The following EXOC4 variants were observed in gnomAD, a reference collection of about 807,000 sequenced individuals.
EXOC4 encodes the protein exocyst complex component 4.
In EXOC4, 71 loss-of-function variants were observed where a neutral mutation model predicts 107.2. The ratio of observed to expected loss-of-function variants is 0.66; its 90% CI spans 0.55 to 0.81. EXOC4 has a LOEUF of 0.81. Among genes scored for constraint, EXOC4 ranks in the 30% least tolerant of loss-of-function variants. The pLI is 0.00. For missense variants in EXOC4, 1,108 were observed against 1,189.6 expected, an observed-to-expected ratio of 0.93 and a Z score of 1.01; for synonymous variants, 456 against 441.2, an observed-to-expected ratio of 1.03 and a Z score of -0.42.
chr7:133,531,332 T>C (rs1429733239), intron 9 of EXOC4, among the ~76,000 whole-genome samples: 2 of 152,148 alleles, frequency 1.3e-5, no homozygotes, highest in Admixed American at 6.6e-5. Context: ...CAACCATCCA[T>C]GTTGGAGAGT....
At chr7:133,883,429 G>A (rs1799008984) in intron 11 of EXOC4, among the ~76,000 whole-genome samples, 1 of 149,216 alleles carries the variant, frequency 6.7e-6, no homozygotes, top group African/African-American at 2.5e-5. Flanking sequence ...ATCATTTGAG[G>A]CCAGGAGTTT....
intron 5 of EXOC4, among the ~76,000 whole-genome samples, chr7:133,349,354 A>G (rs918276875): frequency 6.6e-6 from 1 of 152,032 alleles, no homozygotes; most frequent in Non-Finnish European, 1.5e-5. Context: ...CCACCATTCT[A>G]CTTTCTGTTT....
intron 17 of EXOC4, among the ~76,000 whole-genome samples, chr7:134,029,246 T>C (rs1795213195): frequency 6.6e-6 from 1 of 152,162 alleles, no homozygotes; most frequent in African/African-American, 2.4e-5. Context: ...CTTTTATAAC[T>C]TTTGCCACCA....
chr7:133,722,499 C>G (rs576465889), intron 10 of EXOC4, among the ~76,000 whole-genome samples: 1 of 152,224 alleles, frequency 6.6e-6, no homozygotes, highest in Non-Finnish European at 1.5e-5. Context: ...TATTGTTAAA[C>G]CCTGCCTTTG....
intron 5 of EXOC4, among the ~76,000 whole-genome samples, chr7:133,339,129 T>A (rs1297369853): frequency 6.6e-6 from 1 of 152,218 alleles, no homozygotes; most frequent in East Asian, 1.9e-4. Context: ...TGTTTGGTTT[T>A]CCATTCTTGT....
rs200499348 is a variant in EXOC4, at chr7:133,650,937, G to GTTTTTTTTTTTTTTT, written c.1514+20807_1514+20821dup. 4.8e-4 allele frequency among the ~76,000 whole-genome samples: 43 copies of GTTTTTTTTTTTTTTT among 88,702 alleles called. 2 individuals carry two copies. The highest frequency in any genetic ancestry group is 0.012 in the Middle Eastern group (1 of 86). 58.2% of individuals were successfully genotyped at this position (88,702 alleles called of 152,430 possible). A position where few individuals can be genotyped will look rare whatever the true frequency, so the allele number is the denominator to read the frequency against. On this transcript the variant is annotated intron_variant, in intron 10 of 17. Coordinates refer to ENST00000253861, the MANE Select transcript of EXOC4 (RefSeq NM_021807.4). The stretch of plus-strand genomic sequence containing the variant: ...TCTTAGTACATACTGAGATTGGTCA[G>GTTTTTTTTTTTTTTT]TTTTTTTTTTTTTTTTTTTTTTTTT...
intron 5 of EXOC4, among the ~76,000 whole-genome samples, chr7:133,345,569 C>T (rs773427149): frequency 1.7e-4 from 26 of 152,046 alleles, no homozygotes; most frequent in Admixed American, 1.0e-3. Flanking sequence ...TTCCTGTAAA[C>T]GAGATCATGT....
intron 10 of EXOC4, among the ~76,000 whole-genome samples, chr7:133,707,872 A>G (rs1435886672): frequency 1.3e-5 from 2 of 152,148 alleles, no homozygotes; most frequent in Non-Finnish European, 2.9e-5. Flanking sequence ...GATTATGGGC[A>G]TGAGTCACTG....
At chr7:133,352,167 T>A (rs1222018466) in intron 5 of EXOC4, among the ~76,000 whole-genome samples, 1 of 151,814 alleles carries the variant, frequency 6.6e-6, no homozygotes, top group African/African-American at 2.4e-5. Context: ...TGGGGTAGAG[T>A]GTTCTGTATG....
chr7:133,677,364 CT>C (rs1243789217), intron 10 of EXOC4, among the ~76,000 whole-genome samples: 1 of 152,092 alleles, frequency 6.6e-6, no homozygotes, highest in Non-Finnish European at 1.5e-5. Context: ...ATGATTTCAT[CT>C]TTAGACACTT....
At chr7:133,964,445 A>G (rs1484448996) in intron 14 of EXOC4, among the ~76,000 whole-genome samples, 1 of 151,986 alleles carries the variant, frequency 6.6e-6, no homozygotes, top group African/African-American at 2.4e-5. Context: ...GGTCATCTAC[A>G]TTAGGTATTT....
chr7:133,302,453 A>AT (rs1794661293), intron 3 of EXOC4, among the ~76,000 whole-genome samples: 1 of 152,194 alleles, frequency 6.6e-6, no homozygotes, highest in African/African-American at 2.4e-5. Context: ...ATCTGTCTAT[A>AT]TATATGAAGA....
chr7:133,373,142 A>G (rs529762359), intron 6 of EXOC4, among the ~76,000 whole-genome samples: 2 of 152,320 alleles, frequency 1.3e-5, no homozygotes, highest in Admixed American at 6.5e-5. Flanking sequence ...ATGATGCCAG[A>G]TACCAGTTTT....
At chr7:133,693,673 T>A (rs1156773262) in intron 10 of EXOC4, among the ~76,000 whole-genome samples, 1 of 152,074 alleles carries the variant, frequency 6.6e-6, no homozygotes, top group Admixed American at 6.5e-5. Context: ...ATAAAAAAAA[T>A]ATAAAATGCT....
intron 1 of EXOC4, chr7:133,253,881 T>C (rs1794951608): frequency 1.3e-5 from 2 of 152,174 alleles, no homozygotes; most frequent in Admixed American, 1.3e-4. Context: ...GTGGATCTTT[T>C]AGGAGCTTTT....
At chr7:133,829,851 G>C (rs1797773042) in intron 11 of EXOC4, among the ~76,000 whole-genome samples, 2 of 152,284 alleles carry the variant, frequency 1.3e-5, no homozygotes, top group Non-Finnish European at 2.9e-5. Flanking sequence ...CATGCAGCCA[G>C]TTCATTAACA....
intron 9 of EXOC4, among the ~76,000 whole-genome samples, chr7:133,564,472 T>A (rs571329150): frequency 6.6e-6 from 1 of 152,162 alleles, no homozygotes; most frequent in Non-Finnish European, 1.5e-5. Flanking sequence ...GGAACACAGA[T>A]CCAAACCATA....
Position 133,509,284 on chromosome 7 carries a change from C to T in EXOC4, c.1417+29146C>T, listed in dbSNP as rs190173192. Among the ~76,000 whole-genome samples the T allele has an allele frequency of 3.6e-3, 549 of 151,978 alleles. 10 individuals carry two copies. Among genetic ancestry groups the T allele is most frequent in the Non-Finnish European group, 1.1e-3 (72 of 67,962 alleles). Reference sequence around the variant, plus strand: ...TCTACTAAAAATACAAAAAATTAGCCGGGCGTGGTGGCGGGTGCCTGTAGT... The same window carrying T: ...TCTACTAAAAATACAAAAAATTAGCTGGGCGTGGTGGCGGGTGCCTGTAGT... On this transcript the variant is annotated intron_variant, in intron 9 of 17. Coordinates refer to ENST00000253861, the MANE Select transcript of EXOC4 (RefSeq NM_021807.4).
intron 9 of EXOC4, among the ~76,000 whole-genome samples, chr7:133,612,006 G>A (rs949411374): frequency 1.3e-5 from 2 of 152,264 alleles, no homozygotes; most frequent in African/African-American, 4.8e-5. Context: ...CTGGTATGCA[G>A]CAAGCTGTTT....
Sources: allele counts gnomAD v4.1 joint callset (sites outside exome capture counted in the v4.1 genomes callset), GRCh38; gene constraint gnomAD v4.1.1; transcripts MANE v1.5; gene names NCBI Gene and HGNC (gene_info 2026-07-23, HGNC 2026-07-21).